Variants in PCDH15 observed in about 807,000 individuals in gnomAD.
PCDH15 encodes protocadherin-15.
In PCDH15, 129 loss-of-function variants were observed where a neutral mutation model predicts 178.5. The observed-to-expected ratio is 0.72, with a 90% confidence interval of 0.63 to 0.84. The LOEUF is 0.84. Among genes scored for constraint, PCDH15 ranks in the 40% least tolerant of loss-of-function variants. The pLI is 0.00. For synonymous variants in PCDH15, 800 were observed against 732.0 expected (o/e 1.09, Z -1.50); for missense variants, 2,230 against 2,099.9 (o/e 1.06, Z -1.21).
chr10:55,361,094 C>T (rs1458260153), intron 2 of PCDH15, among the ~76,000 whole-genome samples: 1 of 151,752 alleles, frequency 6.6e-6, no homozygotes, highest in Non-Finnish European at 1.5e-5. Flanking sequence ...AAGCCACTCA[C>T]AAAAGAGTAT....
At chr10:54,422,154 G>A (rs1955610547) in intron 3 of PCDH15, among the ~76,000 whole-genome samples, 1 of 151,656 alleles carries the variant, frequency 6.6e-6, no homozygotes, top group Non-Finnish European at 1.5e-5. Context: ...AGAGTTGCAA[G>A]AGCATAGGAG....
At chr10:54,748,106 A>C (rs535353053) in intron 1 of PCDH15, among the ~76,000 whole-genome samples, 1 of 151,876 alleles carries the variant, frequency 6.6e-6, no homozygotes, top group Non-Finnish European at 1.5e-5. Context: ...GCGCCCGACC[A>C]CTCAATGGTT....
At chr10:54,024,895 A>C (rs2093036032) in intron 18 of PCDH15, among the ~76,000 whole-genome samples, 1 of 152,100 alleles carries the variant, frequency 6.6e-6, no homozygotes, top group African/African-American at 2.4e-5. Context: ...ATTACTCATC[A>C]AGTAAATAGA....
intron 2 of PCDH15, among the ~76,000 whole-genome samples, chr10:55,425,609 T>TA (rs1464679917): frequency 6.6e-6 from 1 of 151,814 alleles, no homozygotes; most frequent in African/African-American, 2.4e-5. Context: ...ATCTCAGTTT[T>TA]AAAAAAAATC....
chr10:55,573,878 T>C (rs1842450730), intron 2 of PCDH15, among the ~76,000 whole-genome samples: 1 of 151,904 alleles, frequency 6.6e-6, no homozygotes, highest in South Asian at 2.1e-4. Flanking sequence ...ATTTATTGTA[T>C]ATTATTATAA....
At chr10:54,708,067 C>T (rs558324925) in intron 1 of PCDH15, among the ~76,000 whole-genome samples, 15 of 152,274 alleles carry the variant, frequency 9.9e-5, no homozygotes, top group African/African-American at 2.9e-4. Context: ...TATAAAATAA[C>T]ATGCATATGT....
intron 2 of PCDH15, among the ~76,000 whole-genome samples, chr10:55,000,531 C>A (rs1236842890): frequency 6.6e-6 from 1 of 152,072 alleles, no homozygotes; most frequent in African/African-American, 2.4e-5. Context: ...TCACAGGGTC[C>A]TGAGGCGACA....
chr10:53,831,672 A>G, intron 29 of PCDH15, 139 bp from the exon 30 acceptor site: 2 of 649,424 alleles, frequency 3.1e-6, no homozygotes, highest in East Asian at 5.5e-5. Context: ...GAATAATAAG[A>G]AAAGCATATA....
intron 2 of PCDH15, among the ~76,000 whole-genome samples, chr10:55,437,538 A>G (rs1839070919): frequency 6.6e-6 from 1 of 152,190 alleles, no homozygotes; most frequent in African/African-American, 2.4e-5. Context: ...TAAAGAAAAA[A>G]TGGCCCTATT....
rs1188025750 is a variant in PCDH15 at position 53,868,447 on chromosome 10, A to G, written c.3502-1590T>C. On this transcript the variant is annotated intron_variant, in intron 26 of 37. Coordinates refer to ENST00000644397, the MANE Select transcript of PCDH15 (RefSeq NM_001384140.1). Reference sequence around the variant, plus strand: ...TTATATAAATTAGTGATATTCAATAAAATTTTCTGAAATGATAGAAATGTT... The same window carrying G: ...TTATATAAATTAGTGATATTCAATAGAATTTTCTGAAATGATAGAAATGTT... 2.6e-5 allele frequency among the ~76,000 whole-genome samples: 4 copies of G among 152,156 alleles called. No individual in the cohort carries two copies. The East Asian group carries it at 7.7e-4, about 29-fold the overall frequency.
At chr10:53,869,019 G>A (rs915505539) in intron 26 of PCDH15, among the ~76,000 whole-genome samples, 4 of 152,016 alleles carry the variant, frequency 2.6e-5, no homozygotes, top group Non-Finnish European at 5.9e-5. Flanking sequence ...TGTTGCCTGG[G>A]CTGGTCTCGA....
chr10:55,040,525 A>AC (rs71014441), intron 2 of PCDH15, among the ~76,000 whole-genome samples: 107 of 151,910 alleles, frequency 7.0e-4, no homozygotes, highest in Admixed American at 1.5e-3. Context: ...AACAACAACA[A>AC]AAACACAGGA....
chr10:53,987,930 G>T (rs1321485254), intron 21 of PCDH15, among the ~76,000 whole-genome samples: 1 of 152,102 alleles, frequency 6.6e-6, no homozygotes. Context: ...AATTCTGAGA[G>T]TCTATTTCCA....
At chr10:53,920,349 A>G (rs1237199198) in intron 25 of PCDH15, among the ~76,000 whole-genome samples, 1 of 152,136 alleles carries the variant, frequency 6.6e-6, no homozygotes, top group East Asian at 1.9e-4. Context: ...TGCATCTTTT[A>G]ATAAAAATAG....
chr10:55,153,212 A>G (rs1394096537), intron 2 of PCDH15, among the ~76,000 whole-genome samples: 1 of 152,116 alleles, frequency 6.6e-6, no homozygotes, highest in Non-Finnish European at 1.5e-5. Flanking sequence ...TAGCCTGGAT[A>G]AATGGAGTAG....
intron 22 of PCDH15, among the ~76,000 whole-genome samples, chr10:53,961,052 T>C (rs534092162): frequency 6.6e-6 from 1 of 152,252 alleles, no homozygotes; most frequent in Non-Finnish European, 1.5e-5. Flanking sequence ...TCATTAGTAT[T>C]TGAAGAAAAG....
chr10:54,177,082 AT>A (rs1314207445), intron 13 of PCDH15, among the ~76,000 whole-genome samples: 1 of 152,180 alleles, frequency 6.6e-6, no homozygotes, highest in Non-Finnish European at 1.5e-5. Flanking sequence ...AGATAATGGA[AT>A]ATTATACAGC....
In PCDH15 at chr10:54,912,684, C is replaced by A. The variant is rs984120864; in HGVS notation, c.-79-15184G>T. Among the ~76,000 whole-genome samples, 8 of 152,124 alleles carry A rather than the reference C, an allele frequency of 5.3e-5. No homozygotes were observed. The East Asian group carries it at 1.4e-3, about 26-fold the overall frequency. ...GAAGTAGTACATCACTATAAGGATA[C>A]CTGAAAATATGAAAGTGACTTTGGA... On this transcript the variant is annotated intron_variant, in intron 2 of 5. Transcript: ENST00000458638.
At chr10:54,050,115 G>A (rs1448491676) in intron 18 of PCDH15, among the ~76,000 whole-genome samples, 1 of 152,114 alleles carries the variant, frequency 6.6e-6, no homozygotes, top group African/African-American at 2.4e-5. Context: ...CGAAGTTTTG[G>A]AATAGTTTCA....
Sources: allele counts gnomAD v4.1 joint callset (sites outside exome capture counted in the v4.1 genomes callset), GRCh38; gene constraint gnomAD v4.1.1; transcripts MANE v1.5; gene names NCBI Gene and HGNC (gene_info 2026-07-23, HGNC 2026-07-21).